The following NDST3 variants were observed in gnomAD, a reference collection of about 807,000 sequenced individuals.
NDST3 encodes N-deacetylase and N-sulfotransferase 3.
Under a neutral mutation model 96.1 loss-of-function variants are expected in NDST3, and 58 were observed. The observed-to-expected ratio is 0.60, with a 90% CI of 0.49 to 0.75. The LOEUF (loss-of-function observed/expected upper bound fraction) is 0.75, where lower values mean the gene tolerates loss of function less well. Ranked by LOEUF, NDST3 falls within the 30% of genes least tolerant of loss-of-function variation. The pLI is 0.00. For missense variants in NDST3, 788 were observed against 1,034.2 expected (o/e 0.76, Z 3.27); for synonymous variants, 333 against 359.7 (o/e 0.93, Z 0.84).
At chr4:118,244,916 A>T (rs1741220799) in intron 12 of NDST3, among the ~76,000 whole-genome samples, 1 of 152,166 alleles carries the variant, frequency 6.6e-6, no homozygotes, top group African/African-American at 2.4e-5. Flanking sequence ...TTTCTCAGTG[A>T]TTGTGTGAAT....
intron 2 of NDST3, among the ~76,000 whole-genome samples, chr4:118,092,743 A>G (rs567175263): frequency 9.2e-5 from 14 of 152,032 alleles, no homozygotes; most frequent in South Asian, 2.1e-4. Flanking sequence ...AGTGAAGGGA[A>G]CACACATGCT....
At chr4:118,195,323 T>C (rs1450360136) in intron 6 of NDST3, among the ~76,000 whole-genome samples, 1 of 152,166 alleles carries the variant, frequency 6.6e-6, no homozygotes, top group Non-Finnish European at 1.5e-5. Context: ...TGGAGATAAT[T>C]GTATAATGGG....
intron 10 of NDST3, among the ~76,000 whole-genome samples, chr4:118,239,247 A>T (rs1740867075): frequency 6.6e-6 from 1 of 152,222 alleles, no homozygotes; most frequent in Non-Finnish European, 1.5e-5. Context: ...TCCTTTTGCT[A>T]CTTAACAAAA....
chr4:118,085,561 C>A (rs569886639), intron 2 of NDST3, among the ~76,000 whole-genome samples: 7 of 152,240 alleles, frequency 4.6e-5, no homozygotes, highest in East Asian at 1.9e-4. Context: ...AATGCTGCAA[C>A]CTTTTGTTGA....
chr4:118,034,104 T>C (rs1724018703), upstream of NDST3, among the ~76,000 whole-genome samples: 2 of 152,138 alleles, frequency 1.3e-5, no homozygotes, highest in South Asian at 4.1e-4. Context: ...ATTTAGACAA[T>C]GGAAAGAAAA....
chr4:118,195,700 G>A (rs1737635520), intron 6 of NDST3, among the ~76,000 whole-genome samples: 1 of 152,132 alleles, frequency 6.6e-6, no homozygotes, highest in South Asian at 2.1e-4. Context: ...TTGTATGTTG[G>A]TTTTGTATCC....
At chr4:118,149,326 A>C (rs1175785429) in intron 6 of NDST3, among the ~76,000 whole-genome samples, 1 of 152,062 alleles carries the variant, frequency 6.6e-6, no homozygotes, top group East Asian at 1.9e-4. Context: ...ATGACATTGA[A>C]TCTCTAAATT....
intron 6 of NDST3, among the ~76,000 whole-genome samples, chr4:118,217,859 A>C (rs1183206050): frequency 1.3e-5 from 2 of 151,992 alleles, no homozygotes; most frequent in African/African-American, 4.8e-5. Context: ...ATGATAAAGG[A>C]GATATCACCA....
chr4:118,227,607 C>CTTTTT (rs67330081), intron 8 of NDST3, among the ~76,000 whole-genome samples: 3 of 106,128 alleles, frequency 2.8e-5, no homozygotes, highest in African/African-American at 6.7e-5. Flanking sequence ...TCACCATAAA[C>CTTTTT]TTTTTTTTTT....
intron 2 of NDST3, among the ~76,000 whole-genome samples, chr4:118,069,994 G>A (rs1278677468): frequency 6.6e-6 from 1 of 152,054 alleles, no homozygotes; most frequent in Admixed American, 6.6e-5. Context: ...AAAGATACCA[G>A]GTTGTAGCAC....
chr4:118,119,940 A>G (rs1731416691), intron 4 of NDST3, among the ~76,000 whole-genome samples: 1 of 152,122 alleles, frequency 6.6e-6, no homozygotes, highest in Admixed American at 6.6e-5. Context: ...ATTTTTCGTT[A>G]TCATTCCAGA....
chr4:118,215,032 C>T (rs191937237), intron 6 of NDST3, among the ~76,000 whole-genome samples: 16 of 152,184 alleles, frequency 1.1e-4, no homozygotes, highest in African/African-American at 3.6e-4. Flanking sequence ...CACTCTATTA[C>T]AAGCACATAA....
At chr4:118,077,201 TG>T (rs34994076) in intron 2 of NDST3, among the ~76,000 whole-genome samples, 4 of 152,038 alleles carry the variant, frequency 2.6e-5, no homozygotes, top group Non-Finnish European at 5.9e-5. Flanking sequence ...CACACTCTGA[TG>T]GGGGGGTGCC....
intron 6 of NDST3, among the ~76,000 whole-genome samples, chr4:118,201,812 T>C (rs767509915): frequency 4.6e-5 from 7 of 152,102 alleles, no homozygotes; most frequent in Non-Finnish European, 1.0e-4. Context: ...TGTCTTGTTG[T>C]TGTTGTTGTT....
In NDST3 at chr4:118,091,178, A is replaced by G. The variant is rs989004561; in HGVS notation, c.982-13840A>G. ...GGGAGTAGCGTGAGGATGAAAAACT[A>G]CCTATTGGGTACCATGCTCATTACC... On this transcript the variant is annotated intron_variant, in intron 2 of 13. Transcript: ENST00000296499. Among the ~76,000 whole-genome samples the G allele has an allele frequency of 7.9e-5, 12 of 151,816 alleles. No homozygotes were observed. The East Asian group carries it at 2.3e-3, about 30-fold the overall frequency.
At chr4:118,140,740 G>A (rs561502416) in intron 5 of NDST3, among the ~76,000 whole-genome samples, 3 of 152,256 alleles carry the variant, frequency 2.0e-5, no homozygotes, top group East Asian at 3.9e-4. Context: ...AGAGCAAACC[G>A]GGAAGAGCCC....
chr4:118,082,411 G>A (rs1002698245), intron 2 of NDST3, among the ~76,000 whole-genome samples: 3 of 152,142 alleles, frequency 2.0e-5, no homozygotes, highest in Admixed American at 1.3e-4. Flanking sequence ...GTAGCAGCAT[G>A]TACTCCAAGT....
chr4:118,082,609 T>C (rs1431514865), intron 2 of NDST3, among the ~76,000 whole-genome samples: 2 of 152,184 alleles, frequency 1.3e-5, no homozygotes, highest in Admixed American at 1.3e-4. Context: ...AATTGTTCTT[T>C]ACTACAAAGA....
chr4:118,190,995 T>C (rs547512114), intron 6 of NDST3, among the ~76,000 whole-genome samples: 13 of 152,324 alleles, frequency 8.5e-5, no homozygotes, highest in African/African-American at 2.9e-4. Flanking sequence ...TCTTAAAGGA[T>C]TCTCATTTGC....
Sources: gnomAD v4.1 joint callset for allele counts (sites outside exome capture counted in the v4.1 genomes callset) on GRCh38, gnomAD v4.1.1 for gene constraint, MANE v1.5 for transcripts, NCBI Gene and HGNC (gene_info 2026-07-23, HGNC 2026-07-21) for gene names.